Variants in CYP24A1 observed in about 807,000 individuals in gnomAD.
The protein encoded by CYP24A1 is cytochrome P450 family 24 subfamily A member 1.
A neutral mutation model predicts 62.4 loss-of-function variants in CYP24A1; 68 were observed. The observed-to-expected ratio is 1.09, with a 90% CI of 0.90 to 1.33. The LOEUF is 1.33. CYP24A1 is among the 40% of genes most tolerant of loss of function. The pLI is 0.00. For missense variants in CYP24A1, 787 were observed against 653.0 expected, an observed-to-expected ratio of 1.21 and a Z score of -2.24; for synonymous variants, 267 against 253.0, an observed-to-expected ratio of 1.06 and a Z score of -0.52.
At chr20:54,166,801 G>T (rs1346491838) in intron 4 of CYP24A1, among the ~76,000 whole-genome samples, 1 of 152,112 alleles carries the variant, frequency 6.6e-6, no homozygotes, top group Non-Finnish European at 1.5e-5. Flanking sequence ...GGAGGCTCGG[G>T]CAGGCAGACT....
chr20:54,159,498 G>A lies in CYP24A1; in HGVS notation c.991-375C>T, dbSNP rs558737613. Among the ~76,000 whole-genome samples the A allele has an allele frequency of 1.8e-3, 266 of 150,116 alleles. 1 individual carries two copies. The highest frequency in any genetic ancestry group is 6.1e-3 in the African/African-American group (250 of 40,720). ...CAACCTCCACCTCCTGGGTTCAAGCGATTCTCCTGCCTCAGCCTCCTGAGT... is the reference window on the plus strand; with the variant it reads ...CAACCTCCACCTCCTGGGTTCAAGCAATTCTCCTGCCTCAGCCTCCTGAGT... On this transcript the variant is annotated intron_variant, in intron 7 of 11. Coordinates refer to ENST00000216862, the MANE Select transcript of CYP24A1 (RefSeq NM_000782.5).
rs866441419 is a variant in CYP24A1, at chr20:54,162,851, T to C, written c.856A>G (p.Ile286Val). ...GAATACTTCTCTAACCGGTTGTCGA[T>C]ACAAGCTTTGACTATTAGAGCAGAG... ...DTIFKSVKAC[I>V]DNRLEKYSQQ... is the part of the protein sequence containing the mutation. The change falls in exon 7 of 12, where the codon ATC (isoleucine) becomes GTC (valine). Residue 286 changes from isoleucine (I) to valine (V), a missense_variant. Coordinates refer to ENST00000216862, the MANE Select transcript of CYP24A1 (RefSeq NM_000782.5). 24 of 1,577,018 alleles carry C rather than the reference T, an allele frequency of 1.5e-5. No homozygotes were observed. The Middle Eastern group carries it at 2.8e-3, about 187-fold the overall frequency.
chr20:54,150,966 C>A (rs1292913937), downstream of CYP24A1, among the ~76,000 whole-genome samples: 1 of 152,142 alleles, frequency 6.6e-6, no homozygotes. Context: ...TCTGAAAATA[C>A]AAACACGATC....
rs2092698851 is a variant in CYP24A1 at position 54,172,922 on chromosome 20, C to T, written c.436G>A (p.Gly146Arg). ...GATTGGACTCACAGGATCAGCAGCC[C>T]GTAGCCTTCTTTGCGGTAGTCGCGA... is the stretch of plus-strand genomic sequence containing the variant. ...AYRDYRKEGY[G>R]LLILEGEDWQ... Residue 146 changes from glycine to arginine, a missense_variant, in exon 2 of 12, where the codon GGG becomes AGG. Gly to Arg is a moderately radical substitution (Grantham distance 125). Coordinates refer to ENST00000216862, the MANE Select transcript of CYP24A1 (RefSeq NM_000782.5). The T allele has an allele frequency of 1.9e-6, 3 of 1,613,812 alleles. No homozygotes were observed. The highest frequency in any genetic ancestry group is 1.1e-5 in the South Asian group (1 of 91,076).
intron 4 of CYP24A1, among the ~76,000 whole-genome samples, chr20:54,166,106 A>G (rs150358014): frequency 1.8e-3 from 268 of 152,288 alleles, no homozygotes; most frequent in Middle Eastern, 0.01. Context: ...GTCACACAGG[A>G]GATCCAGGGG....
At chr20:54,145,562 C>T in the CYP24A1 span, among the ~76,000 whole-genome samples, 1 of 150,612 alleles carries the variant, frequency 6.6e-6, no homozygotes, top group South Asian at 2.1e-4. Context: ...ATCTCTTGTA[C>T]CCGGGAGGCG....
At chr20:54,168,487 T>C (rs566084582) in intron 4 of CYP24A1, among the ~76,000 whole-genome samples, 59 of 152,236 alleles carry the variant, frequency 3.9e-4, no homozygotes, top group African/African-American at 1.4e-3. Context: ...CACCAGCAGC[T>C]TGAAGTTCCT....
intron 5 of CYP24A1, among the ~76,000 whole-genome samples, chr20:54,164,994 T>C (rs2092666240): frequency 6.6e-6 from 1 of 152,258 alleles, no homozygotes; most frequent in South Asian, 2.1e-4. Flanking sequence ...TGGGCTCTTT[T>C]TAAAAAGTAT....
chr20:54,151,314 T>C (rs773833795), downstream of CYP24A1, among the ~76,000 whole-genome samples: 1 of 152,168 alleles, frequency 6.6e-6, no homozygotes, highest in Non-Finnish European at 1.5e-5. Flanking sequence ...AGCATGTTAA[T>C]ACAGGAAATT....
chr20:54,172,695 A>AG (rs2092697983), intron 2 of CYP24A1: 2 of 1,114,034 alleles, frequency 1.8e-6, no homozygotes, highest in Non-Finnish European at 2.5e-6. Context: ...GAGAGAACGC[A>AG]GGTGCTGGGT....
chr20:54,172,968 C>G lies in CYP24A1; in HGVS notation c.390G>C (p.Glu130Asp), dbSNP rs2092699180. ...CGCGATAGGCCTTCCACGGTTTGAT[C>G]TCCAGCCGCTGCGGGTACGCGCTCT... ...RTESAYPQRLEIKPWKAYRDY... is the reference protein window; with the variant it reads ...RTESAYPQRLDIKPWKAYRDY... Residue 130 changes from glutamate to aspartate, a missense_variant, in exon 2 of 12, where the codon GAG becomes GAC. Physicochemically the swap from Glu to Asp is conservative, Grantham distance 45 (BLOSUM62 2). Coordinates refer to ENST00000216862, the MANE Select transcript of CYP24A1 (RefSeq NM_000782.5). The G allele has an allele frequency of 1.2e-6, 2 of 1,613,502 alleles. No individual in the cohort carries two copies. The highest frequency in any genetic ancestry group is 2.7e-5 in the African/African-American group (2 of 75,070).
chr20:54,162,220 CTTTTTTTTTTTTTTTT>C (rs530338632), intron 7 of CYP24A1, among the ~76,000 whole-genome samples: 26 of 72,550 alleles, frequency 3.6e-4, no homozygotes, highest in Middle Eastern at 8.3e-3. Flanking sequence ...GAGAGTATGC[CTTTTTTTTTTTTTTTT>C]TTTTTTTTTT....
At chr20:54,158,767 A>G (rs903114772) in intron 8 of CYP24A1, among the ~76,000 whole-genome samples, 190 bp downstream of exon 8, 1 of 152,214 alleles carries the variant, frequency 6.6e-6, no homozygotes, top group African/African-American at 2.4e-5. Flanking sequence ...TCCAAGATTT[A>G]ATAGAATTTG....
At chr20:54,158,309 T>C (rs925762709) in intron 8 of CYP24A1, 145 bp from the exon 9 acceptor site, 12 of 1,491,048 alleles carry the variant, frequency 8.0e-6, no homozygotes, top group Non-Finnish European at 9.9e-6. Flanking sequence ...CCTAAAGAAG[T>C]TGTTTTTTTC....
downstream of CYP24A1, among the ~76,000 whole-genome samples, chr20:54,148,539 C>T (rs6013902): frequency 0.029 from 4,450 of 152,156 alleles, 229 homozygotes; most frequent in African/African-American, 0.1. Flanking sequence ...CTTGAAGAAA[C>T]AGATGATTCC....
chr20:54,168,462 A>G (rs959052019), intron 4 of CYP24A1, among the ~76,000 whole-genome samples: 6 of 151,968 alleles, frequency 3.9e-5, no homozygotes, highest in Non-Finnish European at 8.8e-5. Flanking sequence ...CAGCTTGTTC[A>G]TCGTGATCCA....
At chr20:54,159,455 C>A (rs147166369) in intron 7 of CYP24A1, among the ~76,000 whole-genome samples, 1,642 of 145,642 alleles carry the variant, frequency 0.011, 32 homozygotes, top group African/African-American at 0.04. Flanking sequence ...AGTGCAGTGG[C>A]ACTATCTCGG....
chr20:54,147,261 A>T, the CYP24A1 span, among the ~76,000 whole-genome samples: 3 of 152,248 alleles, frequency 2.0e-5, no homozygotes, highest in Non-Finnish European at 2.9e-5. Context: ...AAAGGACTAA[A>T]ATACTCAAAA....
At chr20:54,171,869 T>C in intron 2 of CYP24A1, 199 bp from the exon 3 acceptor site, 1 of 1,305,026 alleles carries the variant, frequency 7.7e-7, no homozygotes, top group Middle Eastern at 2.5e-4. Flanking sequence ...GACAATAGGA[T>C]GAAAAAGCAC....
Sources: allele counts gnomAD v4.1 joint callset (sites outside exome capture counted in the v4.1 genomes callset), GRCh38; gene constraint gnomAD v4.1.1; transcripts MANE v1.5; gene names NCBI Gene and HGNC (gene_info 2026-07-23, HGNC 2026-07-21).